TAFA2: variants seen among roughly 807,000 people sequenced by gnomAD.
TAFA2 encodes chemokine-like protein TAFA-2.
TAFA2 carries 7 observed loss-of-function variants against 18.8 expected under a neutral mutation model. The ratio of observed to expected loss-of-function variants is 0.37; its 90% confidence interval spans 0.21 to 0.70. The LOEUF is 0.70. TAFA2 is among the 30% of genes least tolerant of loss of function. The pLI is 0.53. For synonymous variants in TAFA2, 60 were observed against 54.2 expected (o/e 1.11, Z -0.47); for missense variants, 122 against 158.1 (o/e 0.77, Z 1.23).
chr12:62,019,002 C>A (rs1208834304), intron 1 of TAFA2, among the ~76,000 whole-genome samples: 12 of 151,984 alleles, frequency 7.9e-5, no homozygotes, highest in Non-Finnish European at 1.6e-4. Context: ...ACCCCATCAA[C>A]AAGTGGGCAA....
At chr12:62,028,921 G>T (rs1054815956) in intron 1 of TAFA2, among the ~76,000 whole-genome samples, 3 of 152,000 alleles carry the variant, frequency 2.0e-5, no homozygotes, top group African/African-American at 7.3e-5. Flanking sequence ...AGGAATATCT[G>T]CCATTTACTA....
At chr12:61,821,995 C>T in intron 2 of TAFA2, among the ~76,000 whole-genome samples, 1 of 151,958 alleles carries the variant, frequency 6.6e-6, no homozygotes, top group East Asian at 1.9e-4. Context: ...TAAATATGAG[C>T]TAAGACAGAA....
chr12:62,231,766 T>C (rs2062813074), intron 1 of TAFA2, among the ~76,000 whole-genome samples: 1 of 152,222 alleles, frequency 6.6e-6, no homozygotes, highest in Non-Finnish European at 1.5e-5. Flanking sequence ...CGTTATGTGG[T>C]AAAAACAATA....
chr12:62,237,082 T>C (rs974914489), intron 1 of TAFA2, among the ~76,000 whole-genome samples: 1 of 152,242 alleles, frequency 6.6e-6, no homozygotes, highest in Non-Finnish European at 1.5e-5. Context: ...CCAATGACTC[T>C]TATATTTTTC....
chr12:62,068,130 C>T (rs1047495811), intron 1 of TAFA2, among the ~76,000 whole-genome samples: 1 of 151,892 alleles, frequency 6.6e-6, no homozygotes, highest in Admixed American at 6.6e-5. Context: ...TTAAAAAAAG[C>T]TTATTTACCT....
chr12:61,804,659 T>G (rs1478128921), intron 2 of TAFA2, among the ~76,000 whole-genome samples: 1 of 152,094 alleles, frequency 6.6e-6, no homozygotes, highest in African/African-American at 2.4e-5. Flanking sequence ...TACAGCACTC[T>G]GTGGAATTAT....
chr12:62,251,790 A>T (rs2062915278), intron 1 of TAFA2, among the ~76,000 whole-genome samples: 1 of 152,158 alleles, frequency 6.6e-6, no homozygotes, highest in African/African-American at 2.4e-5. Context: ...CCCTGAAGAG[A>T]GCATGAACTA....
intron 2 of TAFA2, among the ~76,000 whole-genome samples, chr12:61,768,097 A>G (rs1216924814): frequency 6.6e-6 from 1 of 152,126 alleles, no homozygotes; most frequent in Non-Finnish European, 1.5e-5. Flanking sequence ...AGATTCCCTC[A>G]ACAGGCATTG....
At chr12:61,795,362 A>G (rs2120942077) in intron 2 of TAFA2, among the ~76,000 whole-genome samples, 1 of 152,342 alleles carries the variant, frequency 6.6e-6, no homozygotes. Context: ...TGGATTAAGA[A>G]AATGTGGCAT....
intron 1 of TAFA2, among the ~76,000 whole-genome samples, chr12:61,953,812 C>CA (rs1436991133): frequency 6.6e-6 from 1 of 152,116 alleles, no homozygotes; most frequent in Non-Finnish European, 1.5e-5. Flanking sequence ...GAGAACTGAG[C>CA]AAAGTGTGAC....
chr12:61,711,594 T>C (rs1157986858), intron 4 of TAFA2, among the ~76,000 whole-genome samples: 2 of 152,130 alleles, frequency 1.3e-5, no homozygotes, highest in African/African-American at 2.4e-5. Context: ...AAAATGAATA[T>C]ATTAAACAAA....
intron 2 of TAFA2, among the ~76,000 whole-genome samples, chr12:61,817,156 G>T (rs138475049): frequency 4.1e-5 from 6 of 146,240 alleles, no homozygotes; most frequent in Non-Finnish European, 8.8e-5. Context: ...TCCTGATATA[G>T]TGACTGGAAA....
chr12:61,739,807 T>C (rs550377198), intron 4 of TAFA2, among the ~76,000 whole-genome samples: 1 of 152,220 alleles, frequency 6.6e-6, no homozygotes, highest in East Asian at 1.9e-4. Context: ...AATCATATGT[T>C]GTAATTGAAG....
intron 1 of TAFA2, among the ~76,000 whole-genome samples, chr12:62,162,002 A>G (rs1369932119): frequency 1.3e-5 from 2 of 152,218 alleles, no homozygotes; most frequent in African/African-American, 4.8e-5. Context: ...GAACCTATAA[A>G]TGCTATTAAG....
At chr12:61,955,653 A>G (rs1386141928) in intron 1 of TAFA2, among the ~76,000 whole-genome samples, 4 of 103,536 alleles carry the variant, frequency 3.9e-5, no homozygotes, top group Admixed American at 1.2e-4. Context: ...ATATATATAT[A>G]TATATATATA....
At chr12:61,739,095 T>C (rs998960746) in intron 4 of TAFA2, among the ~76,000 whole-genome samples, 5 of 152,026 alleles carry the variant, frequency 3.3e-5, no homozygotes, top group Non-Finnish European at 7.4e-5. Context: ...GTGGCAGATA[T>C]ATTATTGTCA....
chr12:62,166,472 AG>A (rs1456784322), intron 1 of TAFA2, among the ~76,000 whole-genome samples: 2 of 152,214 alleles, frequency 1.3e-5, no homozygotes, highest in African/African-American at 4.8e-5. Flanking sequence ...ATAATAGTAA[AG>A]GAATGGTAAT....
At chr12:62,154,259 T>A (rs568644077) in intron 1 of TAFA2, among the ~76,000 whole-genome samples, 1 of 152,270 alleles carries the variant, frequency 6.6e-6, no homozygotes, top group Non-Finnish European at 1.5e-5. Flanking sequence ...AAGAAATCTA[T>A]AACAGCTCTA....
chr12:62,102,715 T>C (rs1869264829), intron 1 of TAFA2, among the ~76,000 whole-genome samples: 1 of 152,226 alleles, frequency 6.6e-6, no homozygotes, highest in African/African-American at 2.4e-5. Flanking sequence ...TACAATAATG[T>C]ACTCTGGACC....
Sources: allele counts gnomAD v4.1 joint callset (sites outside exome capture counted in the v4.1 genomes callset), GRCh38; gene constraint gnomAD v4.1.1; transcripts MANE v1.5; gene names NCBI Gene and HGNC (gene_info 2026-07-23, HGNC 2026-07-21).